STK33: variants seen among roughly 807,000 people sequenced by gnomAD.
STK33 encodes serine/threonine kinase 33, also known as serine/threonine-protein kinase 33.
In STK33, 52 loss-of-function variants were observed where a neutral mutation model predicts 58.0. The ratio of observed to expected loss-of-function variants is 0.90; its 90% CI spans 0.72 to 1.13. STK33 has a LOEUF of 1.13. Among genes scored for constraint, STK33 ranks in the 50% most tolerant of loss-of-function variants. The pLI is 0.00. For synonymous variants in STK33, 215 were observed against 200.1 expected (o/e 1.07, Z -0.63); for missense variants, 630 against 604.2 (o/e 1.04, Z -0.45).
chr11:8,557,521 C>T (rs1425185876), intron 1 of STK33, among the ~76,000 whole-genome samples: 3 of 152,042 alleles, frequency 2.0e-5, no homozygotes, highest in Non-Finnish European at 4.4e-5. Context: ...AATATACATT[C>T]CTATCTCTCA....
intron 15 of STK33, among the ~76,000 whole-genome samples, chr11:8,399,116 C>G (rs912598444): frequency 6.6e-6 from 1 of 152,152 alleles, no homozygotes; most frequent in African/African-American, 2.4e-5. Flanking sequence ...ACCAAGTGGA[C>G]CTAATAGACT....
intron 11 of STK33, among the ~76,000 whole-genome samples, chr11:8,442,075 G>A (rs7101471): frequency 0.5 from 75,017 of 149,952 alleles, 18,644 homozygotes; most frequent in South Asian, 0.64. Flanking sequence ...ACACTTTTAT[G>A]ACTACTAAAA....
At chr11:8,462,048 TTC>T (rs1947591184) in intron 7 of STK33, 139 bp from the exon 8 acceptor site, 1 of 572,746 alleles carries the variant, frequency 1.7e-6, no homozygotes, top group Non-Finnish European at 2.9e-6. Flanking sequence ...TTTGAGATGT[TTC>T]TTTTTCAAAT....
rs370878435 is a variant in STK33 at position 8,515,138 on chromosome 11, A to G, written c.-465-34524T>C. Among the ~76,000 whole-genome samples, 7 of 152,154 alleles carry G rather than the reference A, an allele frequency of 4.6e-5. No homozygotes were observed. The South Asian group carries it at 1.2e-3, about 27-fold the overall frequency. ...AATACAAAATATTGAAAAGAATACA[A>G]GAGACATATGGAATAAACAAAATTG... On this transcript the variant is annotated intron_variant, in intron 1 of 15. Transcript: ENST00000687296.
intron 1 of STK33, among the ~76,000 whole-genome samples, chr11:8,523,688 A>T (rs1439103055): frequency 7.3e-6 from 1 of 137,146 alleles, no homozygotes; most frequent in Non-Finnish European, 1.6e-5. Context: ...GGCAGCCGCC[A>T]CTTCCGGGAG....
chr11:8,384,160 T>C, the STK33 span, among the ~76,000 whole-genome samples: 1 of 151,998 alleles, frequency 6.6e-6, no homozygotes, highest in African/African-American at 2.4e-5. Context: ...ATAGAGATGA[T>C]CATATATGGA....
At chr11:8,440,619 C>T in intron 12 of STK33, 59 bp downstream of exon 12, 4 of 1,375,888 alleles carry the variant, frequency 2.9e-6, no homozygotes, top group Non-Finnish European at 4.0e-6. Flanking sequence ...AAGTCTATAT[C>T]ACTCTACTGT....
chr11:8,517,008 G>A (rs1952857141), intron 1 of STK33, among the ~76,000 whole-genome samples: 1 of 152,200 alleles, frequency 6.6e-6, no homozygotes. Context: ...CAGAGTTTGA[G>A]ATCTAAGAAC....
the STK33 span, among the ~76,000 whole-genome samples, chr11:8,345,424 C>T: frequency 1.3e-5 from 2 of 152,240 alleles, no homozygotes; most frequent in Non-Finnish European, 2.9e-5. Context: ...TCCACGAATA[C>T]GTATTAAGCA....
chr11:8,440,584 A>T, intron 12 of STK33, 94 bp downstream of exon 12: 2 of 1,115,458 alleles, frequency 1.8e-6, no homozygotes, highest in Non-Finnish European at 2.4e-6. Flanking sequence ...ATCACTTTTT[A>T]AAAATATATA....
At chr11:8,426,471 C>A (rs1265091922) in intron 14 of STK33, among the ~76,000 whole-genome samples, 2 of 152,154 alleles carry the variant, frequency 1.3e-5, no homozygotes, top group East Asian at 1.9e-4. Flanking sequence ...CCTGTCCTCA[C>A]CTAGGTCTGT....
intron 1 of STK33, among the ~76,000 whole-genome samples, chr11:8,519,356 A>G (rs560632895): frequency 7.2e-5 from 11 of 152,336 alleles, no homozygotes; most frequent in Admixed American, 1.3e-4. Flanking sequence ...ATAGAGGGAA[A>G]TTTATAGCAC....
At chr11:8,355,786 G>A in the STK33 span, among the ~76,000 whole-genome samples, 5 of 152,328 alleles carry the variant, frequency 3.3e-5, no homozygotes, top group East Asian at 3.9e-4. Flanking sequence ...AGGGTTGAAC[G>A]AGTGAGTACA....
intron 1 of STK33, among the ~76,000 whole-genome samples, chr11:8,514,018 G>A (rs775864950): frequency 6.6e-6 from 1 of 151,678 alleles, no homozygotes; most frequent in Non-Finnish European, 1.5e-5. Flanking sequence ...ATCTCCATGA[G>A]TTTACTTGTC....
intron 1 of STK33, among the ~76,000 whole-genome samples, chr11:8,488,220 C>T (rs148492501): frequency 2.4e-3 from 366 of 152,250 alleles, no homozygotes; most frequent in African/African-American, 8.4e-3. Context: ...AAAATAATTA[C>T]AAGCAGGTGT....
the STK33 span, among the ~76,000 whole-genome samples, chr11:8,357,555 CAA>C: frequency 6.6e-6 from 1 of 152,232 alleles, no homozygotes; most frequent in African/African-American, 2.4e-5. Flanking sequence ...TCCTAATTCA[CAA>C]TTAGCCTTGA....
downstream of STK33, among the ~76,000 whole-genome samples, chr11:8,391,266 T>C (rs1848617874): frequency 6.6e-6 from 1 of 152,222 alleles, no homozygotes; most frequent in Non-Finnish European, 1.5e-5. Flanking sequence ...TTGAAGCAGC[T>C]ATGTTAATGA....
chr11:8,565,336 G>T (rs539913774), intron 1 of STK33, among the ~76,000 whole-genome samples: 1 of 152,188 alleles, frequency 6.6e-6, no homozygotes, highest in Non-Finnish European at 1.5e-5. Context: ...TGCTTTTGTT[G>T]TAATTGGGGT....
chr11:8,539,059 A>G (rs899905916), intron 1 of STK33, among the ~76,000 whole-genome samples: 8 of 152,212 alleles, frequency 5.3e-5, no homozygotes, highest in Admixed American at 2.0e-4. Flanking sequence ...TTGTCCCTTG[A>G]TATGTAACCT....
Sources: allele counts gnomAD v4.1 joint callset (sites outside exome capture counted in the v4.1 genomes callset), GRCh38; gene constraint gnomAD v4.1.1; transcripts MANE v1.5; gene names NCBI Gene and HGNC (gene_info 2026-07-23, HGNC 2026-07-21).